The following PPARGC1A variants were observed in gnomAD, a reference collection of about 807,000 sequenced individuals.
The protein encoded by PPARGC1A is PPARG coactivator 1 alpha, also known as peroxisome proliferator-activated receptor gamma coactivator 1-alpha.
In PPARGC1A, 25 loss-of-function variants were observed where a neutral mutation model predicts 88.7. The observed-to-expected ratio is 0.28, with a 90% CI of 0.21 to 0.39. The LOEUF is 0.39. PPARGC1A is among the 10% of genes least tolerant of loss of function. The pLI, the probability that PPARGC1A is intolerant of heterozygous loss-of-function variation, is 1.00. For synonymous variants in PPARGC1A, 363 were observed against 355.6 expected (o/e 1.02, Z -0.24); for missense variants, 880 against 968.7 (o/e 0.91, Z 1.22).
the PPARGC1A span, among the ~76,000 whole-genome samples, chr4:23,956,451 G>C: frequency 6.6e-6 from 1 of 152,038 alleles, no homozygotes; most frequent in African/African-American, 2.4e-5. Flanking sequence ...TCCAGGGTTT[G>C]AGTTAATGAC....
chr4:24,212,017 C>T, the PPARGC1A span, among the ~76,000 whole-genome samples: 35 of 152,154 alleles, frequency 2.3e-4, no homozygotes, highest in Admixed American at 1.3e-3. Context: ...TCTTTCTACG[C>T]CCTTTCTACA....
chr4:23,970,828 G>A, the PPARGC1A span, among the ~76,000 whole-genome samples: 1 of 152,122 alleles, frequency 6.6e-6, no homozygotes, highest in Non-Finnish European at 1.5e-5. Flanking sequence ...AGGTCAAAAG[G>A]CCATTATGTC....
chr4:23,933,527 T>C, the PPARGC1A span, among the ~76,000 whole-genome samples: 12 of 152,182 alleles, frequency 7.9e-5, no homozygotes, highest in African/African-American at 2.4e-4. Flanking sequence ...CATGTGGAAA[T>C]GGGTGACAGA....
chr4:24,034,182 TAAGA>T, the PPARGC1A span, among the ~76,000 whole-genome samples: 1 of 152,204 alleles, frequency 6.6e-6, no homozygotes, highest in Non-Finnish European at 1.5e-5. Context: ...TCAAGATACT[TAAGA>T]TAGAGAGAAA....
the PPARGC1A span, among the ~76,000 whole-genome samples, chr4:24,265,866 G>T: frequency 6.6e-6 from 1 of 151,588 alleles, no homozygotes; most frequent in Admixed American, 6.6e-5. Context: ...AGAGAGAGAA[G>T]GAAGAAAGGG....
At chr4:24,350,012 T>C in the PPARGC1A span, among the ~76,000 whole-genome samples, 1 of 152,290 alleles carries the variant, frequency 6.6e-6, no homozygotes, top group East Asian at 1.9e-4. Flanking sequence ...TTTGCTCAGC[T>C]CTCAAACTTG....
the PPARGC1A span, among the ~76,000 whole-genome samples, chr4:24,255,712 C>T: frequency 6.6e-6 from 1 of 152,172 alleles, no homozygotes; most frequent in Non-Finnish European, 1.5e-5. Flanking sequence ...GTGGAAACCT[C>T]GCTTCTTCTC....
the PPARGC1A span, among the ~76,000 whole-genome samples, chr4:24,197,733 G>A: frequency 3.9e-5 from 6 of 152,208 alleles, no homozygotes; most frequent in African/African-American, 7.2e-5. Context: ...AAGTGCCACA[G>A]AACCCAACAA....
intron 7 of PPARGC1A, among the ~76,000 whole-genome samples, chr4:23,819,523 G>A (rs764450055): frequency 1.3e-5 from 2 of 152,128 alleles, no homozygotes; most frequent in African/African-American, 2.4e-5. Context: ...TGGGATAGAG[G>A]ATGGGTAAGG....
At chr4:23,944,517 T>C in the PPARGC1A span, among the ~76,000 whole-genome samples, 1 of 152,168 alleles carries the variant, frequency 6.6e-6, no homozygotes, top group Non-Finnish European at 1.5e-5. Context: ...GAGTGTATCG[T>C]TATGTTCCCA....
chr4:23,957,309 T>C, the PPARGC1A span, among the ~76,000 whole-genome samples: 1 of 152,104 alleles, frequency 6.6e-6, no homozygotes, highest in East Asian at 1.9e-4. Context: ...TTGTTTTCTG[T>C]GTCTGTTTCC....
Position 23,896,265 on chromosome 4 carries a change from T to C in PPARGC1A, n.52+3002A>G, listed in dbSNP as rs554195500. On this transcript the variant is annotated intron_variant and non_coding_transcript_variant, in intron 1 of 3. Transcript: ENST00000507342. ...CTTTCTGTAATTTTCAAATTTTCTC[T>C]TATAAACATGCATGACTTTTATATT... Among the ~76,000 whole-genome samples the C allele has an allele frequency of 2.0e-5, 3 of 152,270 alleles. No individual in the cohort carries two copies. The South Asian group carries it at 6.2e-4, about 32-fold the overall frequency.
chr4:24,015,668 G>T, the PPARGC1A span, among the ~76,000 whole-genome samples: 1 of 152,116 alleles, frequency 6.6e-6, no homozygotes, highest in African/African-American at 2.4e-5. Flanking sequence ...GCACTCTTGT[G>T]TTCAGGCACT....
chr4:24,402,534 G>C, the PPARGC1A span, among the ~76,000 whole-genome samples: 2 of 152,222 alleles, frequency 1.3e-5, no homozygotes, highest in Admixed American at 1.3e-4. Flanking sequence ...GAGAATTAGT[G>C]AGGTCAGGTA....
chr4:24,247,081 G>C, the PPARGC1A span, among the ~76,000 whole-genome samples: 3 of 152,184 alleles, frequency 2.0e-5, no homozygotes, highest in African/African-American at 7.2e-5. Context: ...GCAGAAGAAA[G>C]AGAGTGAGAT....
chr4:24,146,024 A>G, the PPARGC1A span, among the ~76,000 whole-genome samples: 8 of 152,204 alleles, frequency 5.3e-5, no homozygotes, highest in Admixed American at 1.3e-4. Context: ...TTCAAGGCCA[A>G]ATGAGTTTGA....
chr4:24,089,430 C>T, the PPARGC1A span, among the ~76,000 whole-genome samples: 1 of 152,030 alleles, frequency 6.6e-6, no homozygotes, highest in Non-Finnish European at 1.5e-5. Context: ...ATACTTTCCA[C>T]CCAATGCCAA....
intron 5 of PPARGC1A, 40 bp from the exon 6 acceptor site, chr4:23,824,548 T>C (rs1270093900): frequency 6.6e-7 from 1 of 1,505,374 alleles, no homozygotes; most frequent in Non-Finnish European, 9.1e-7. Flanking sequence ...TAATATTGAG[T>C]GTCTTTTAGA....
At chr4:24,438,828 A>G in the PPARGC1A span, among the ~76,000 whole-genome samples, 2 of 151,614 alleles carry the variant, frequency 1.3e-5, no homozygotes, top group African/African-American at 2.4e-5. Flanking sequence ...GAAATTCATC[A>G]TCTAGTATAC....
Sources: gnomAD v4.1 joint callset for allele counts (sites outside exome capture counted in the v4.1 genomes callset) on GRCh38, gnomAD v4.1.1 for gene constraint, MANE v1.5 for transcripts, NCBI Gene and HGNC (gene_info 2026-07-23, HGNC 2026-07-21) for gene names.